PAICS: variants seen among roughly 807,000 people sequenced by gnomAD.
The protein encoded by PAICS is bifunctional phosphoribosylaminoimidazole carboxylase/phosphoribosylaminoimidazole succinocarboxamide synthetase.
PAICS carries 33 observed loss-of-function variants against 53.7 expected under a neutral mutation model. The ratio of observed to expected loss-of-function variants is 0.61; its 90% CI spans 0.47 to 0.82. The LOEUF (loss-of-function observed/expected upper bound fraction) is 0.82. Ranked by LOEUF, PAICS falls within the 40% of genes least tolerant of loss-of-function variation. The probability of loss-of-function intolerance (pLI) is 0.00; values close to 1 mark genes in which losing one functional copy is unlikely to be tolerated. For missense variants in PAICS, 394 were observed against 494.1 expected (o/e 0.80, Z 1.92); for synonymous variants, 141 against 167.2 (o/e 0.84, Z 1.21).
chr4:56,452,630 C>T (rs1014255593), intron 7 of PAICS, among the ~76,000 whole-genome samples: 16 of 152,062 alleles, frequency 1.1e-4, no homozygotes, highest in African/African-American at 3.4e-4. Flanking sequence ...GGTAAGAAGC[C>T]CCTGGAGCAT....
chr4:56,442,179 TAAGCAGTTCTAACATGAAG>T (rs2110083353), intron 2 of PAICS, among the ~76,000 whole-genome samples: 1 of 152,332 alleles, frequency 6.6e-6, no homozygotes, highest in East Asian at 1.9e-4. Context: ...ATTTTAATGT[TAAGCAGTTCTAACATGAAG>T]AACTGAAATT....
chr4:56,463,068 T>G lies in PAICS; in HGVS notation c.*3530T>G, dbSNP rs1205415941. ...CCATCGGCTGATTTAATTTCTAATA[T>G]GAAGAAAGGGGCAGTGTGATGTGCC... On this transcript the variant is annotated 3_prime_UTR_variant, in exon 9 of 9. Transcript: ENST00000512576. 1 of 152,080 alleles carries G rather than the reference T, an allele frequency of 6.6e-6. No individual in the cohort carries two copies. The highest frequency in any genetic ancestry group is 1.5e-5 in the Non-Finnish European group (1 of 68,018). 9.4% of individuals were successfully genotyped at this position (152,080 alleles called of 1,614,324 possible).
upstream of PAICS, chr4:56,435,765 G>T (rs996416504): frequency 1.3e-6 from 2 of 1,497,620 alleles, no homozygotes; most frequent in Non-Finnish European, 1.8e-6. Context: ...CTTCCCCTAA[G>T]AGCTGCCTGG....
At chr4:56,447,976 G>A (rs1718699030) in intron 3 of PAICS, among the ~76,000 whole-genome samples, 1 of 151,036 alleles carries the variant, frequency 6.6e-6, no homozygotes, top group Admixed American at 6.6e-5. Flanking sequence ...ACTACAGTGT[G>A]AGCCACTGCA....
At chr4:56,436,433 C>A in intron 1 of PAICS, 105 bp downstream of exon 1, 1 of 978,390 alleles carries the variant, frequency 1.0e-6, no homozygotes, top group Non-Finnish European at 1.6e-6. Context: ...CCTGCAGCAG[C>A]GCCTCTAGGC....
At chr4:56,448,007 C>CTT (rs35788109) in intron 3 of PAICS, among the ~76,000 whole-genome samples, 5,693 of 121,960 alleles carry the variant, frequency 0.047, 324 homozygotes, top group East Asian at 0.2. Context: ...AATTTCTTTT[C>CTT]TTTTTTTTTT....
chr4:56,450,921 C>G, intron 6 of PAICS: 2 of 399,004 alleles, frequency 5.0e-6, no homozygotes, highest in African/African-American at 2.1e-5. Context: ...GGGTTCACGC[C>G]ATTCTCCTAG....
the PAICS span, chr4:56,421,486 A>G: frequency 6.6e-6 from 1 of 152,538 alleles, no homozygotes; most frequent in East Asian, 1.9e-4. Context: ...AAAAGGTTGG[A>G]GACCGCTGCT....
chr4:56,418,464 C>T, the PAICS span, among the ~76,000 whole-genome samples: 1 of 152,110 alleles, frequency 6.6e-6, no homozygotes, highest in Non-Finnish European at 1.5e-5. Flanking sequence ...AGACCACAGG[C>T]ACATGCCACC....
chr4:56,436,720 C>A (rs1445134004), intron 1 of PAICS, among the ~76,000 whole-genome samples: 3 of 152,198 alleles, frequency 2.0e-5, no homozygotes, highest in Non-Finnish European at 4.4e-5. Context: ...AGAGGCCGGG[C>A]CTGGTGGCTC....
chr4:56,459,657 T>C lies in PAICS; in HGVS notation c.*119T>C. The C allele has an allele frequency of 1.4e-6, 1 of 706,282 alleles. No homozygotes were observed. Among genetic ancestry groups the C allele is most frequent in the South Asian group, 2.2e-5 (1 of 45,690 alleles). 43.8% of individuals were successfully genotyped at this position (706,282 alleles called of 1,614,324 possible). ...AGAGAACACAAATAAAATGTATTAGTGAATAAATGCTTCTCTAGATCCATA... is the reference window on the plus strand; with the variant it reads ...AGAGAACACAAATAAAATGTATTAGCGAATAAATGCTTCTCTAGATCCATA... On this transcript the variant is annotated 3_prime_UTR_variant, in exon 9 of 9. Coordinates refer to ENST00000512576, the MANE Select transcript of PAICS (RefSeq NM_001079524.2).
rs534769383 is a variant in PAICS at position 56,458,786 on chromosome 4, ACT to A, written c.1112-583_1112-582del. The stretch of plus-strand genomic sequence containing the variant: ...AGACATAATAGTACCACCTCAAGAC[ACT>A]CTGCCTGAGCAGACATGTGGCCCCT... On this transcript the variant is annotated intron_variant, in intron 8 of 8. Coordinates refer to ENST00000512576, the MANE Select transcript of PAICS (RefSeq NM_001079524.2). 1.0e-3 allele frequency among the ~76,000 whole-genome samples: 156 copies of A among 151,774 alleles called. 1 individual carries two copies. The highest frequency in any genetic ancestry group is 3.7e-3 in the African/African-American group (151 of 41,362).
chr4:56,450,734 A>G (rs1718865734), intron 6 of PAICS, 32 bp downstream of exon 6: 2 of 1,024,086 alleles, frequency 2.0e-6, no homozygotes, highest in Admixed American at 2.1e-5. Context: ...TGTATGTATT[A>G]TGTGTTTTTC....
the PAICS span, chr4:56,410,899 T>TAAAAAAAAA: frequency 1.8e-5 from 12 of 678,548 alleles, no homozygotes; most frequent in African/African-American, 3.6e-5. Context: ...CCACTGAAGG[T>TAAAAAAAAA]AAAAAAAAAA....
intron 3 of PAICS, among the ~76,000 whole-genome samples, chr4:56,447,671 T>A (rs1472171422): frequency 1.4e-4 from 21 of 152,168 alleles, no homozygotes; most frequent in Non-Finnish European, 1.5e-5. Flanking sequence ...AAACTTAAAT[T>A]CTGTTTAAAT....
At chr4:56,447,353 T>C (rs2110088338) in intron 3 of PAICS, among the ~76,000 whole-genome samples, 1 of 152,288 alleles carries the variant, frequency 6.6e-6, no homozygotes, top group East Asian at 1.9e-4. Flanking sequence ...TTTTAATCAA[T>C]GAGTTATGTA....
chr4:56,411,699 T>C, the PAICS span, among the ~76,000 whole-genome samples: 3 of 152,192 alleles, frequency 2.0e-5, no homozygotes, highest in South Asian at 2.1e-4. Flanking sequence ...GTGTGTACCA[T>C]GGGCAAAGCA....
the PAICS span, among the ~76,000 whole-genome samples, chr4:56,414,825 T>C: frequency 1.3e-5 from 2 of 152,220 alleles, no homozygotes; most frequent in African/African-American, 2.4e-5. Flanking sequence ...AATTCTTACA[T>C]AACTCCAGAT....
At chr4:56,410,680 C>T in the PAICS span, 5,977 of 986,200 alleles carry the variant, frequency 6.1e-3, 292 homozygotes, top group African/African-American at 0.095. Context: ...TATACAGAGA[C>T]TGGAAACAGT....
Sources: allele counts gnomAD v4.1 joint callset (sites outside exome capture counted in the v4.1 genomes callset), GRCh38; gene constraint gnomAD v4.1.1; transcripts MANE v1.5; gene names NCBI Gene and HGNC (gene_info 2026-07-23, HGNC 2026-07-21).